AKAP19: variants seen among roughly 807,000 people sequenced by gnomAD.
The protein encoded by AKAP19 is small A-kinase anchoring protein.
the AKAP19 span, among the ~76,000 whole-genome samples, chr2:190,005,689 A>C: frequency 6.6e-6 from 1 of 152,106 alleles, no homozygotes; most frequent in Non-Finnish European, 1.5e-5. Context: ...TTTTCCTCTA[A>C]GTTAGGAGAA....
chr2:190,180,843 C>A, the AKAP19 span: 2 of 985,248 alleles, frequency 2.0e-6, no homozygotes, highest in Non-Finnish European at 2.4e-6. This position sits in a 1 kb window ranked among gnomAD's most constrained non-coding sequence, Gnocchi z 6.8. Context: ...CGGGCGCCGC[C>A]GAAGGACGCC....
chr2:190,147,498 T>C, the AKAP19 span, among the ~76,000 whole-genome samples: 1 of 152,228 alleles, frequency 6.6e-6, no homozygotes, highest in Non-Finnish European at 1.5e-5. Context: ...TTTGGTTCCA[T>C]GTGAATTTTA....
chr2:190,079,225 A>G, the AKAP19 span: 1 of 152,188 alleles, frequency 6.6e-6, no homozygotes, highest in Non-Finnish European at 1.5e-5. Context: ...TATTTCAGTA[A>G]ATTGTGCCAC....
At chr2:190,195,967 TATGG>T in the AKAP19 span, among the ~76,000 whole-genome samples, 1 of 97,190 alleles carries the variant, frequency 1.0e-5, no homozygotes, top group Non-Finnish European at 2.4e-5. Context: ...TTTTTTGGCA[TATGG>T]ATGATTTGTT....
the AKAP19 span, among the ~76,000 whole-genome samples, chr2:189,914,219 C>T: frequency 2.0e-5 from 3 of 152,050 alleles, no homozygotes; most frequent in Non-Finnish European, 4.4e-5. Context: ...CCTTCCCAAG[C>T]TCAAATGCTT....
the AKAP19 span, among the ~76,000 whole-genome samples, chr2:189,887,539 C>T: frequency 6.6e-6 from 1 of 152,156 alleles, no homozygotes; most frequent in Non-Finnish European, 1.5e-5. Context: ...GTTCTAGCTC[C>T]TTGAGGAACT....
chr2:189,889,274 G>C, the AKAP19 span, among the ~76,000 whole-genome samples: 1 of 152,208 alleles, frequency 6.6e-6, no homozygotes, highest in African/African-American at 2.4e-5. Flanking sequence ...TTGCATCCCA[G>C]TGATGAAGCC....
chr2:190,111,893 TG>T, the AKAP19 span, among the ~76,000 whole-genome samples: 2,980 of 152,264 alleles, frequency 0.02, 114 homozygotes, highest in African/African-American at 0.068. Context: ...TTTTTTGTTT[TG>T]TTTTTTTGTT....
the AKAP19 span, among the ~76,000 whole-genome samples, chr2:190,077,040 A>G: frequency 1.3e-5 from 2 of 151,768 alleles, no homozygotes; most frequent in Admixed American, 6.6e-5. Context: ...TTTTTCCTGC[A>G]GTATCTAATT....
the AKAP19 span, among the ~76,000 whole-genome samples, chr2:190,009,854 T>C: frequency 6.6e-6 from 1 of 150,868 alleles, no homozygotes; most frequent in African/African-American, 2.4e-5. Flanking sequence ...GCCTGAGACA[T>C]AATGACCAGT....
chr2:190,090,095 A>T, the AKAP19 span, among the ~76,000 whole-genome samples: 4 of 152,132 alleles, frequency 2.6e-5, no homozygotes, highest in African/African-American at 4.8e-5. Flanking sequence ...TTTTCTCCTT[A>T]TAACTACCTG....
At chr2:190,143,560 C>T in the AKAP19 span, among the ~76,000 whole-genome samples, 5 of 152,136 alleles carry the variant, frequency 3.3e-5, no homozygotes, top group Non-Finnish European at 7.4e-5. Flanking sequence ...TCTTTGAAAG[C>T]GAGAACTTCT....
the AKAP19 span, chr2:190,079,394 A>G: frequency 6.6e-6 from 1 of 152,274 alleles, no homozygotes; most frequent in Non-Finnish European, 1.5e-5. Flanking sequence ...CACAAGTATC[A>G]TAAGTAACTA....
the AKAP19 span, among the ~76,000 whole-genome samples, chr2:190,092,747 A>T: frequency 6.6e-6 from 1 of 152,136 alleles, no homozygotes; most frequent in Non-Finnish European, 1.5e-5. Flanking sequence ...GTTTCCCCCA[A>T]ATCCTTGCCA....
the AKAP19 span, among the ~76,000 whole-genome samples, chr2:189,931,175 GA>G: frequency 1.6e-3 from 237 of 151,826 alleles, no homozygotes; most frequent in Middle Eastern, 3.4e-3. Context: ...ACTCTTACTT[GA>G]AACAGTTATG....
the AKAP19 span, among the ~76,000 whole-genome samples, chr2:189,899,354 G>A: frequency 6.6e-6 from 1 of 152,136 alleles, no homozygotes; most frequent in Non-Finnish European, 1.5e-5. Context: ...GAATCAGCTA[G>A]CTTAGTAATT....
chr2:190,196,522 C>CT, the AKAP19 span, among the ~76,000 whole-genome samples: 16,885 of 135,738 alleles, frequency 0.12, 1,014 homozygotes, highest in East Asian at 0.19. Flanking sequence ...AATGCTGGGT[C>CT]TTTTTTTTTT....
the AKAP19 span, among the ~76,000 whole-genome samples, chr2:189,991,469 ATGTT>A: frequency 2.0e-5 from 3 of 152,156 alleles, no homozygotes; most frequent in Non-Finnish European, 4.4e-5. Context: ...ATTTTTTCAT[ATGTT>A]TGTTGGCCAT....
At chr2:190,004,583 A>ATT in the AKAP19 span, among the ~76,000 whole-genome samples, 278 of 145,398 alleles carry the variant, frequency 1.9e-3, no homozygotes, top group African/African-American at 5.8e-3. Flanking sequence ...AAACCTTTTT[A>ATT]TTTTTTTTTT....
Sources: allele counts gnomAD v4.1 joint callset (sites outside exome capture counted in the v4.1 genomes callset), GRCh38; gene constraint gnomAD v4.1.1; non-coding constraint Gnocchi (gnomAD v3.1); transcripts MANE v1.5; gene names NCBI Gene and HGNC (gene_info 2026-07-23, HGNC 2026-07-21).